The following RSPO2 variants were observed in gnomAD, a reference collection of about 807,000 sequenced individuals.
RSPO2 encodes the protein R-spondin 2.
In RSPO2, 14 loss-of-function variants were observed where a neutral mutation model predicts 30.9. That is an observed-to-expected ratio of 0.45 (90% CI 0.30 to 0.71). RSPO2 has a LOEUF of 0.71. Among genes scored for constraint, RSPO2 ranks in the 30% least tolerant of loss-of-function variants. The pLI, the probability that RSPO2 is intolerant of heterozygous loss-of-function variation, is 0.08. For synonymous variants in RSPO2, 107 were observed against 96.4 expected (o/e 1.11, Z -0.64); for missense variants, 264 against 301.9 (o/e 0.87, Z 0.93).
In RSPO2 at chr8:107,926,828, A is replaced by G. The variant is rs113215983; in HGVS notation, c.617-25638T>C. 4.9e-4 allele frequency among the ~76,000 whole-genome samples: 75 copies of G among 152,230 alleles called. No homozygotes were observed. In the East Asian group the frequency reaches 7.0e-3, roughly 14 times the overall value. On this transcript the variant is annotated intron_variant, in intron 5 of 5. Coordinates refer to ENST00000276659, the MANE Select transcript of RSPO2 (RefSeq NM_178565.5). ...GTAGTATAGTTTGAAGTCAGGTAGC[A>G]TGATGCCTCCAGCTTTGTTCTTTTG...
chr8:107,981,453 G>A (rs995867898), intron 3 of RSPO2, among the ~76,000 whole-genome samples: 42 of 152,166 alleles, frequency 2.8e-4, no homozygotes, highest in African/African-American at 5.1e-4. Context: ...CCCAGGAAGC[G>A]GAGGTTACAG....
intron 2 of RSPO2, among the ~76,000 whole-genome samples, chr8:108,044,721 T>C (rs1811861768): frequency 6.6e-6 from 1 of 152,096 alleles, no homozygotes; most frequent in Non-Finnish European, 1.5e-5. Flanking sequence ...GGTATATACG[T>C]GGTAATGATA....
intron 5 of RSPO2, among the ~76,000 whole-genome samples, chr8:107,949,673 T>C (rs775412206): frequency 6.6e-6 from 1 of 152,042 alleles, no homozygotes; most frequent in Non-Finnish European, 1.5e-5. Flanking sequence ...AAATAAGAGG[T>C]AGACATGGAC....
intron 2 of RSPO2, among the ~76,000 whole-genome samples, chr8:108,035,296 C>G (rs1475346863): frequency 6.6e-6 from 1 of 152,174 alleles, no homozygotes; most frequent in African/African-American, 2.4e-5. Context: ...TACTGTGCGT[C>G]AACTCTTTTT....
chr8:107,932,076 T>C (rs1812569554), intron 5 of RSPO2, among the ~76,000 whole-genome samples: 1 of 152,162 alleles, frequency 6.6e-6, no homozygotes, highest in Non-Finnish European at 1.5e-5. Context: ...AGGTGCGTAA[T>C]TGGTTGTTTC....
At chr8:108,001,584 A>C (rs1465861606) in intron 2 of RSPO2, among the ~76,000 whole-genome samples, 1 of 152,216 alleles carries the variant, frequency 6.6e-6, no homozygotes, top group Non-Finnish European at 1.5e-5. Context: ...CGAGCTCCTC[A>C]ATTTGTACAA....
At chr8:108,014,459 G>GCTAT (rs1228298666) in intron 2 of RSPO2, among the ~76,000 whole-genome samples, 4 of 152,118 alleles carry the variant, frequency 2.6e-5, no homozygotes, top group African/African-American at 9.7e-5. Context: ...GCCCATCAAT[G>GCTAT]ATAGACTGGA....
intron 5 of RSPO2, among the ~76,000 whole-genome samples, chr8:107,936,466 T>C (rs1306767769): frequency 2.0e-5 from 3 of 152,182 alleles, no homozygotes; most frequent in Non-Finnish European, 4.4e-5. Flanking sequence ...ATTCTGTTTT[T>C]TCTTTGAATA....
chr8:107,974,980 T>C (rs989652958), intron 3 of RSPO2, among the ~76,000 whole-genome samples: 1 of 152,234 alleles, frequency 6.6e-6, no homozygotes, highest in Admixed American at 6.5e-5. Flanking sequence ...CTTATCTTCA[T>C]CTGAATTCAA....
At chr8:108,003,313 T>A (rs10087489) in intron 2 of RSPO2, among the ~76,000 whole-genome samples, 183 of 7,440 alleles carry the variant, frequency 0.025, no homozygotes, top group South Asian at 0.047. Flanking sequence ...ATATATATAT[T>A]TTTTTTTTTT....
intron 2 of RSPO2, among the ~76,000 whole-genome samples, chr8:108,045,392 T>C (rs1175834056): frequency 6.6e-6 from 1 of 152,150 alleles, no homozygotes; most frequent in Non-Finnish European, 1.5e-5. Flanking sequence ...TCAGTCAGAA[T>C]GGCTATGACC....
At chr8:108,002,231 T>C (rs1815274676) in intron 2 of RSPO2, among the ~76,000 whole-genome samples, 1 of 152,142 alleles carries the variant, frequency 6.6e-6, no homozygotes, top group African/African-American at 2.4e-5. Context: ...TCTAAATATA[T>C]ACATTTATGA....
chr8:108,017,268 C>T (rs1246027472), intron 2 of RSPO2, among the ~76,000 whole-genome samples: 3 of 152,256 alleles, frequency 2.0e-5, no homozygotes, highest in East Asian at 1.9e-4. Flanking sequence ...CTGCCTGCCT[C>T]GGCCTCTCAA....
chr8:108,080,792 T>G (rs1813169771), intron 2 of RSPO2, among the ~76,000 whole-genome samples: 1 of 152,214 alleles, frequency 6.6e-6, no homozygotes, highest in African/African-American at 2.4e-5. Context: ...ATTTTAGACA[T>G]TTCTATATTT....
chr8:107,991,249 AACACACACACACACAC>A (rs60247229), intron 2 of RSPO2, among the ~76,000 whole-genome samples: 26 of 133,468 alleles, frequency 1.9e-4, no homozygotes, highest in Non-Finnish European at 3.2e-4. Context: ...CTCCATCTCA[AACACACACACACACAC>A]ACACACACAC....
chr8:108,019,316 T>C (rs1421977904), intron 2 of RSPO2, among the ~76,000 whole-genome samples: 2 of 152,046 alleles, frequency 1.3e-5, no homozygotes, highest in African/African-American at 4.8e-5. Flanking sequence ...ATTACACCAC[T>C]GTACTCCAGC....
chr8:107,945,480 C>T lies in RSPO2; in HGVS notation c.616+12600G>A, dbSNP rs546560510. ...AGCCAGGATGGTCTAGATCTCCTGA[C>T]TTTGTGATCTGCCTGCCTCGGCCTC... On this transcript the variant is annotated intron_variant, in intron 5 of 5. Transcript: ENST00000276659. 3.9e-5 allele frequency among the ~76,000 whole-genome samples: 6 copies of T among 152,040 alleles called. No individual in the cohort carries two copies. The East Asian group carries it at 1.2e-3, about 30-fold the overall frequency.
In RSPO2 at chr8:107,923,126, A is replaced by G. The variant is rs565052088; in HGVS notation, c.617-21936T>C. Among the ~76,000 whole-genome samples, 53 of 152,258 alleles carry G rather than the reference A, an allele frequency of 3.5e-4. No homozygotes were observed. The South Asian group carries it at 9.7e-3, about 28-fold the overall frequency. ...TTCTGCACAGCAAAAGAAACCATCA[A>G]TAGAGTAAAATAGACAACCTCCAGA... On this transcript the variant is annotated intron_variant, in intron 5 of 5. Coordinates refer to ENST00000276659, the MANE Select transcript of RSPO2 (RefSeq NM_178565.5).
At chr8:107,945,409 G>A (rs1048756454) in intron 5 of RSPO2, among the ~76,000 whole-genome samples, 4 of 151,234 alleles carry the variant, frequency 2.6e-5, no homozygotes, top group African/African-American at 7.3e-5. Context: ...CCACCACGCC[G>A]GGCTAATTTT....
Sources: allele counts gnomAD v4.1 joint callset (sites outside exome capture counted in the v4.1 genomes callset), GRCh38; gene constraint gnomAD v4.1.1; transcripts MANE v1.5; gene names NCBI Gene and HGNC (gene_info 2026-07-23, HGNC 2026-07-21).